PHF24: variants seen among roughly 807,000 people sequenced by gnomAD.
PHF24 encodes the protein Galpha inhibitory interacting protein.
Under a neutral mutation model 42.6 loss-of-function variants are expected in PHF24, and 25 were observed. The observed-to-expected ratio is 0.59, with a 90% confidence interval of 0.43 to 0.82. The LOEUF (loss-of-function observed/expected upper bound fraction) is 0.82, where lower values mean the gene tolerates loss of function less well. PHF24 is among the 40% of genes least tolerant of loss of function. The pLI is 0.00. For synonymous variants in PHF24, 185 were observed against 204.8 expected (o/e 0.90, Z 0.83); for missense variants, 470 against 538.1 (o/e 0.87, Z 1.25).
the PHF24 span, among the ~76,000 whole-genome samples, chr9:34,929,626 T>C: frequency 1.3e-5 from 2 of 152,224 alleles, no homozygotes; most frequent in African/African-American, 4.8e-5. Context: ...CAATCAGATT[T>C]GCAGGTAATC....
At chr9:34,692,197 AG>A in the PHF24 span, among the ~76,000 whole-genome samples, 1 of 152,114 alleles carries the variant, frequency 6.6e-6, no homozygotes, top group South Asian at 2.1e-4. Flanking sequence ...GGAGAGAGGG[AG>A]GGGGAACATT....
chr9:34,862,573 A>G, the PHF24 span, among the ~76,000 whole-genome samples: 1 of 152,042 alleles, frequency 6.6e-6, no homozygotes. Context: ...CTTGAAGGGA[A>G]GGACCTAGTC....
the PHF24 span, among the ~76,000 whole-genome samples, chr9:34,848,657 T>C: frequency 6.6e-6 from 1 of 151,582 alleles, no homozygotes; most frequent in African/African-American, 2.4e-5. Context: ...TGAATGTGTT[T>C]GCTCTTGCTT....
chr9:34,867,420 G>A, the PHF24 span, among the ~76,000 whole-genome samples: 1 of 142,236 alleles, frequency 7.0e-6, no homozygotes, highest in Non-Finnish European at 1.5e-5. Flanking sequence ...GAGGTGGGGA[G>A]GTACCAGGTA....
chr9:34,695,605 C>A, the PHF24 span, among the ~76,000 whole-genome samples: 2 of 152,052 alleles, frequency 1.3e-5, no homozygotes, highest in Non-Finnish European at 2.9e-5. Context: ...GGAACTGAAC[C>A]CTCAACTTGT....
At chr9:34,783,500 C>T in the PHF24 span, among the ~76,000 whole-genome samples, 1,779 of 152,260 alleles carry the variant, frequency 0.012, 26 homozygotes, top group African/African-American at 0.04. Context: ...CTTACCCTAT[C>T]CTAATTAAGC....
the PHF24 span, among the ~76,000 whole-genome samples, chr9:34,840,276 C>CA: frequency 1.3e-5 from 2 of 152,168 alleles, no homozygotes; most frequent in Non-Finnish European, 2.9e-5. Context: ...TTTATTCCCT[C>CA]AGTCAATCAC....
the PHF24 span, among the ~76,000 whole-genome samples, chr9:34,930,600 A>G: frequency 1.3e-5 from 2 of 152,226 alleles, no homozygotes; most frequent in African/African-American, 4.8e-5. Flanking sequence ...CCTGGTATTT[A>G]TGAAGATTTC....
At chr9:34,768,913 GGAGA>G in the PHF24 span, among the ~76,000 whole-genome samples, 2 of 131,202 alleles carry the variant, frequency 1.5e-5, no homozygotes, top group African/African-American at 3.1e-5. Flanking sequence ...AGAGAGAGAG[GGAGA>G]GAGAGAGAGA....
chr9:34,688,775 T>G, the PHF24 span, among the ~76,000 whole-genome samples: 1 of 152,250 alleles, frequency 6.6e-6, no homozygotes, highest in African/African-American at 2.4e-5. Context: ...CCCTGGCTGC[T>G]GAGCCTTTCC....
At chr9:34,741,653 C>T in the PHF24 span, among the ~76,000 whole-genome samples, 1 of 152,224 alleles carries the variant, frequency 6.6e-6, no homozygotes, top group Non-Finnish European at 1.5e-5. Context: ...TGAGCCACCG[C>T]ACCTGGCCTG....
the PHF24 span, among the ~76,000 whole-genome samples, chr9:34,773,045 C>T: frequency 1.3e-5 from 2 of 149,646 alleles, no homozygotes; most frequent in African/African-American, 4.9e-5. Context: ...GGCTGGAGTG[C>T]AACGGCGCGA....
chr9:34,695,258 C>T, the PHF24 span, among the ~76,000 whole-genome samples: 3 of 152,244 alleles, frequency 2.0e-5, no homozygotes, highest in East Asian at 1.9e-4. Context: ...ATTAAAAACC[C>T]GAAAGGACTA....
chr9:34,881,362 A>G, the PHF24 span, among the ~76,000 whole-genome samples: 1 of 152,324 alleles, frequency 6.6e-6, no homozygotes, highest in East Asian at 1.9e-4. Flanking sequence ...CTAAGATCAG[A>G]GCAGAACTGA....
chr9:34,829,588 C>A, the PHF24 span, among the ~76,000 whole-genome samples: 1 of 152,240 alleles, frequency 6.6e-6, no homozygotes. Context: ...TGTGGCACAA[C>A]CTCACACCTT....
the PHF24 span, among the ~76,000 whole-genome samples, chr9:34,765,858 T>G: frequency 6.6e-6 from 1 of 152,086 alleles, no homozygotes; most frequent in African/African-American, 2.4e-5. Flanking sequence ...CTTTCCATGT[T>G]TAGTGCTTCC....
the PHF24 span, among the ~76,000 whole-genome samples, chr9:34,806,576 A>T: frequency 6.6e-6 from 1 of 152,130 alleles, no homozygotes; most frequent in East Asian, 1.9e-4. Context: ...CTCCCACCTC[A>T]GCCTCCTGAG....
the PHF24 span, chr9:34,691,419 G>A: frequency 8.8e-6 from 4 of 452,476 alleles, no homozygotes; most frequent in East Asian, 4.1e-5. Flanking sequence ...TTCCCCCTGC[G>A]GTTGCCCTTT....
At chr9:34,704,080 C>T in the PHF24 span, among the ~76,000 whole-genome samples, 1 of 151,908 alleles carries the variant, frequency 6.6e-6, no homozygotes, top group Non-Finnish European at 1.5e-5. Flanking sequence ...CTATGATCAG[C>T]TATGGTGTGA....
Sources: allele counts gnomAD v4.1 joint callset (sites outside exome capture counted in the v4.1 genomes callset), GRCh38; gene constraint gnomAD v4.1.1; transcripts MANE v1.5; gene names NCBI Gene and HGNC (gene_info 2026-07-23, HGNC 2026-07-21).